ZIC5: variants seen among roughly 807,000 people sequenced by gnomAD.
The protein encoded by ZIC5 is zinc finger protein ZIC 5.
In ZIC5, 20 loss-of-function variants were observed where a neutral mutation model predicts 28.5. That is an observed-to-expected ratio of 0.70 (90% CI 0.49 to 1.02). The LOEUF (loss-of-function observed/expected upper bound fraction) is 1.02. ZIC5 is among the 50% of genes least tolerant of loss of function. The probability of loss-of-function intolerance (pLI) is 0.00; values close to 1 mark genes in which losing one functional copy is unlikely to be tolerated. For missense variants in ZIC5, 951 were observed against 899.7 expected (o/e 1.06, Z -0.73); for synonymous variants, 488 against 410.4 (o/e 1.19, Z -2.29).
chr13:99,971,191 G>A lies in ZIC5; in HGVS notation c.413C>T (p.Ser138Leu). Residue 138 changes from serine (S) to leucine (L), a missense_variant, in exon 1 of 2, where the codon TCA becomes TTA. Physicochemically the swap from Ser to Leu is moderately radical, Grantham distance 145. Around this residue, in one of 3 missense-constraint regions of ZIC5, gnomAD observed 784 missense variants for 660.1 expected, o/e 1.19. Transcript: ENST00000267294. ...PPAPPLPPTPSPPPPPPPPPP... is the reference protein window; with the variant it reads ...PPAPPLPPTPLPPPPPPPPPP... The stretch of plus-strand genomic sequence containing the variant: ...AGGAGGCGGGGGAGGGGGAGGGGGT[G>A]AAGGGGTGGGAGGAAGAGGAGGGGC... 2.3e-6 allele frequency: 2 copies of A among 869,692 alleles called. No individual in the cohort carries two copies. Among genetic ancestry groups the A allele is most frequent in the Non-Finnish European group, 3.1e-6 (2 of 648,920 alleles). The allele number at this position is 869,692 out of a possible 1,614,324, so 53.9% of individuals were successfully genotyped here. A position where few individuals can be genotyped will look rare whatever the true frequency, so the allele number is the denominator to read the frequency against.
At position 99,968,651 on chromosome 13, in the gene ZIC5, G is replaced by T. The variant is rs970469225; in HGVS notation, c.1477+1476C>A. 1.1e-4 allele frequency among the ~76,000 whole-genome samples: 16 copies of T among 152,290 alleles called. 3 individuals carry two copies. The highest frequency in any genetic ancestry group is 2.6e-4 in the Admixed American group (4 of 15,308). On this transcript the variant is annotated intron_variant, in intron 1 of 1. Transcript: ENST00000267294. ...CTTGGGAGTTCCCTTTCGGGGCCGG[G>T]CTGGGGAGCGGCTTCACGGTCCCTG...
chr13:99,970,653 G>A lies in ZIC5; in HGVS notation c.951C>T (p.Ala317=), dbSNP rs2053146967. The A allele has an allele frequency of 8.7e-7, 1 of 1,144,022 alleles. No homozygotes were observed. Among genetic ancestry groups the A allele is most frequent in the Non-Finnish European group, 1.1e-6 (1 of 925,494 alleles). 70.9% of individuals were successfully genotyped at this position (1,144,022 alleles called of 1,614,324 possible). A position where few individuals can be genotyped will look rare whatever the true frequency, so the allele number is the denominator to read the frequency against. The change falls in exon 1 of 2, where the codon GCC becomes GCT. Residue 317 remains alanine (A), a synonymous_variant. Transcript: ENST00000267294. ...GGGGCCCGGGCCCGGCCGCTGCTGC[G>A]GCCGCCGCAGCCGCCAGGTTCAGGT... ...NLNLNLAAAA[A]AAAAGPGPHL... is the part of the protein sequence containing the mutation.
intron 1 of ZIC5, among the ~76,000 whole-genome samples, chr13:99,966,146 G>A (rs889450534): frequency 2.0e-5 from 3 of 151,902 alleles, no homozygotes; most frequent in Admixed American, 6.6e-5. Context: ...CCCCTCCCCC[G>A]ACAGACACAC....
rs1566395437 is a variant in ZIC5, at chr13:99,965,423, T to C, written c.1874A>G (p.Asp625Gly). ...TTCAGGGTTCCCGTAAATTTCCTCA[T>C]CTTCAGTCTCAGAGGTGGTTCCGTT... ...SSNGTTSETE[D>G]EEIYGNPEVV... Residue 625 changes from aspartate to glycine, a missense_variant, in exon 2 of 2, where the codon GAT (aspartate) becomes GGT (glycine). By Grantham distance (94) the Asp-to-Gly change is moderately conservative. Around this residue, in one of 3 missense-constraint regions of ZIC5, gnomAD observed 108 missense variants for 118.4 expected, o/e 0.91. Transcript: ENST00000267294. 1.9e-6 allele frequency: 3 copies of C among 1,613,964 alleles called. No homozygotes were observed. Among genetic ancestry groups the C allele is most frequent in the Non-Finnish European group, 2.5e-6 (3 of 1,180,022 alleles).
Position 99,970,612 on chromosome 13 carries a change from G to A in ZIC5, c.992C>T (p.Ala331Val). The stretch of plus-strand genomic sequence containing the variant: ...CGGCGGCGGCGGCGCCGGGGGCGGC[G>A]CGTGGTGCTGCAGGTGGGGCCCGGG... Reference protein sequence around the residue: ...AGPGPHLQHHAPPPAPPPPPA... With the variant: ...AGPGPHLQHHVPPPAPPPPPA... The change falls in exon 1 of 2, where the codon GCG becomes GTG. Residue 331 changes from alanine to valine, a missense_variant. Physicochemically the swap from Ala to Val is moderately conservative, Grantham distance 64 (BLOSUM62 0). Coordinates refer to ENST00000267294, the MANE Select transcript of ZIC5 (RefSeq NM_033132.5). 2.9e-6 allele frequency: 3 copies of A among 1,019,208 alleles called. No individual in the cohort carries two copies. The highest frequency in any genetic ancestry group is 3.5e-6 in the Non-Finnish European group (3 of 856,370). 63.1% of individuals were successfully genotyped at this position (1,019,208 alleles called of 1,614,324 possible).
Position 99,970,894 on chromosome 13 carries a change from G to A in ZIC5, c.710C>T (p.Pro237Leu), listed in dbSNP as rs745511470. 7.5e-6 allele frequency: 10 copies of A among 1,336,738 alleles called. No individual in the cohort carries two copies. In the South Asian group the frequency reaches 8.4e-5, roughly 11 times the overall value. The allele number at this position is 1,336,738 out of a possible 1,614,324, so 82.8% of individuals were successfully genotyped here. A position where few individuals can be genotyped will look rare whatever the true frequency, so the allele number is the denominator to read the frequency against. The change falls in exon 1 of 2, where the codon CCC (proline) becomes CTC (leucine). Residue 237 changes from proline (P) to leucine (L), a missense_variant. Physicochemically the swap from Pro to Leu is moderately conservative, Grantham distance 98 (BLOSUM62 -3). This residue lies in a region of ZIC5 where 784 missense variants were observed against 660.1 expected (regional missense o/e 1.19). Transcript: ENST00000267294. ...GGCCCCCGGCGTGTCGTGCAGCGCGGGGAAGAGCGCCGGGCCGCCGCTGCC... is the reference window on the plus strand; with the variant it reads ...GGCCCCCGGCGTGTCGTGCAGCGCGAGGAAGAGCGCCGGGCCGCCGCTGCC... ...PDGSGGPALF[P>L]ALHDTPGAPG...
In ZIC5 at chr13:99,964,633, TATATTAAGGTTGCTGC is replaced by T. The variant is rs2053082581; in HGVS notation, c.*728_*743del. On this transcript the variant is annotated 3_prime_UTR_variant, in exon 2 of 2. Transcript: ENST00000267294. ...ATCACAGTAGCACAAGATATGGAGATATATTAAGGTTGCTGCATCTTTTTTTAAAATCACACAGTAG... is the reference window on the plus strand; with the variant it reads ...ATCACAGTAGCACAAGATATGGAGATATCTTTTTTTAAAATCACACAGTAG... The T allele has an allele frequency of 6.6e-6, 1 of 152,600 alleles. No individual in the cohort carries two copies. Among genetic ancestry groups the T allele is most frequent in the African/African-American group, 2.4e-5 (1 of 41,444 alleles). 9.5% of individuals were successfully genotyped at this position (152,600 alleles called of 1,614,324 possible).
Position 99,963,491 on chromosome 13 carries a change from T to G in ZIC5, c.*1886A>C, listed in dbSNP as rs1322849153. 6.6e-6 allele frequency: 1 copy of G among 152,548 alleles called. No homozygotes were observed. The highest frequency in any genetic ancestry group is 1.5e-5 in the Non-Finnish European group (1 of 68,022). The allele number at this position is 152,548 out of a possible 1,614,324, so 9.4% of individuals were successfully genotyped here. A position where few individuals can be genotyped will look rare whatever the true frequency, so the allele number is the denominator to read the frequency against. On this transcript the variant is annotated 3_prime_UTR_variant, in exon 2 of 2. Coordinates refer to ENST00000267294, the MANE Select transcript of ZIC5 (RefSeq NM_033132.5). ...TCATCACAACAATCTGAAGACAACA[T>G]TGAAAGGCTTTCCAAGTGACAGCAC... is the stretch of plus-strand genomic sequence containing the variant.
At chr13:99,969,220 G>A (rs1410092244) in intron 1 of ZIC5, among the ~76,000 whole-genome samples, 1 of 152,182 alleles carries the variant, frequency 6.6e-6, no homozygotes, top group East Asian at 1.9e-4. Flanking sequence ...GGGGTGGGAG[G>A]GTCCCCACGA....
intron 1 of ZIC5, among the ~76,000 whole-genome samples, chr13:99,969,903 G>A (rs570562583): frequency 6.6e-6 from 1 of 151,630 alleles, no homozygotes; most frequent in East Asian, 2.0e-4. Context: ...GGAACCCAAC[G>A]CGGGGCCTGT....
Position 99,970,735 on chromosome 13 carries a change from C to T in ZIC5, c.869G>A (p.Gly290Glu), listed in dbSNP as rs1196860095. ...FAPRSGDAHY[G>E]AVAAAAAAAL... ...GGCCGCCGCTGCGGCCGCAACCGCCCCGTAGTGCGCGTCCCCAGAGCGCGG... is the reference window on the plus strand; with the variant it reads ...GGCCGCCGCTGCGGCCGCAACCGCCTCGTAGTGCGCGTCCCCAGAGCGCGG... The change falls in exon 1 of 2, where the codon GGG becomes GAG. Residue 290 changes from glycine to glutamate, a missense_variant. Physicochemically the swap from Gly to Glu is moderately conservative, Grantham distance 98. This residue lies in a region of ZIC5 where 784 missense variants were observed against 660.1 expected (regional missense o/e 1.19). Coordinates refer to ENST00000267294, the MANE Select transcript of ZIC5 (RefSeq NM_033132.5). The T allele has an allele frequency of 3.3e-6, 4 of 1,201,384 alleles. No homozygotes were observed. The highest frequency in any genetic ancestry group is 1.6e-5 in the African/African-American group (1 of 60,906). The allele number at this position is 1,201,384 out of a possible 1,614,324, so 74.4% of individuals were successfully genotyped here.
Position 99,965,381 on chromosome 13 carries a change from T to C in ZIC5, c.1916A>G (p.His639Arg), listed in dbSNP as rs375325614. Residue 639 changes from histidine (H) to arginine (R), a missense_variant, in exon 2 of 2, where the codon CAT becomes CGT. Coordinates refer to ENST00000267294, the MANE Select transcript of ZIC5 (RefSeq NM_033132.5). ...TATTATTATTAATAATAAATTCTAA[T>C]GTATCGTCCGCACAACTTCAGGGTT... ...YGNPEVVRTI[H>R] 4.0e-5 allele frequency: 64 copies of C among 1,612,260 alleles called. No homozygotes were observed. The East Asian group carries it at 1.1e-3, about 28-fold the overall frequency.
chr13:99,963,683 C>G lies in ZIC5; in HGVS notation c.*1694G>C, dbSNP rs987019692. On this transcript the variant is annotated 3_prime_UTR_variant, in exon 2 of 2. Transcript: ENST00000267294. ...TTCTTTCCTTTTTTTTTTAAATAAA[C>G]CATGGATCATAAATGACAATCTTTC... The G allele has an allele frequency of 8.0e-5, 12 of 149,218 alleles. No individual in the cohort carries two copies. The highest frequency in any genetic ancestry group is 3.0e-4 in the African/African-American group (12 of 40,418). The allele number at this position is 149,218 out of a possible 1,614,324, so 9.2% of individuals were successfully genotyped here.
rs944008294 is a variant in ZIC5 at position 99,970,475 on chromosome 13, T to G, written c.1129A>C (p.Ile377Leu). 1.4e-5 allele frequency: 16 copies of G among 1,114,864 alleles called. No homozygotes were observed. Among genetic ancestry groups the G allele is most frequent in the African/African-American group, 3.4e-5 (2 of 58,946 alleles). 69.1% of individuals were successfully genotyped at this position (1,114,864 alleles called of 1,614,324 possible). The change falls in exon 1 of 2, where the codon ATC (isoleucine) becomes CTC (leucine). Residue 377 changes from isoleucine to leucine, a missense_variant. Ile to Leu is a conservative substitution (Grantham distance 5). Around this residue, in one of 3 missense-constraint regions of ZIC5, gnomAD observed 784 missense variants for 660.1 expected, o/e 1.19. Coordinates refer to ENST00000267294, the MANE Select transcript of ZIC5 (RefSeq NM_033132.5). Reference sequence around the variant, plus strand: ...AGCCCGGCCAGCTCGTCGGGGTCGATCCACTTGCAGATGAGCTCCTGCTTG... The same window carrying G: ...AGCCCGGCCAGCTCGTCGGGGTCGAGCCACTTGCAGATGAGCTCCTGCTTG... The part of the protein sequence containing the change: ...PIKQELICKW[I>L]DPDELAGLPP...
chr13:99,966,525 A>C (rs1339182058), intron 1 of ZIC5, among the ~76,000 whole-genome samples: 1 of 152,222 alleles, frequency 6.6e-6, no homozygotes, highest in Non-Finnish European at 1.5e-5. Context: ...TGACCTCTGC[A>C]TTCTACAGCT....
Position 99,971,470 on chromosome 13 carries a change from C to A in ZIC5, c.134G>T (p.Arg45Leu). ...CAGGCGGAGGTGCGCGACGGCGGCC[C>A]GGAGTTGGGAGTGGGCGGGCGGGCC... is the stretch of plus-strand genomic sequence containing the variant. ...LAGPPAHSQL[R>L]AAVAHLRLRD... Residue 45 changes from arginine to leucine, a missense_variant, in exon 1 of 2, where the codon CGG becomes CTG. Arg to Leu is a moderately radical substitution (Grantham distance 102, BLOSUM62 -2). Around this residue, in one of 3 missense-constraint regions of ZIC5, gnomAD observed 784 missense variants for 660.1 expected, o/e 1.19. Transcript: ENST00000267294. The A allele has an allele frequency of 6.7e-7, 1 of 1,499,994 alleles. No homozygotes were observed. The highest frequency in any genetic ancestry group is 8.9e-7 in the Non-Finnish European group (1 of 1,118,730). The allele number at this position is 1,499,994 out of a possible 1,614,324, so 92.9% of individuals were successfully genotyped here.
chr13:99,965,272 C>T lies in ZIC5; in HGVS notation c.*105G>A. 1 of 1,073,526 alleles carries T rather than the reference C, an allele frequency of 9.3e-7. No homozygotes were observed. Among genetic ancestry groups the T allele is most frequent in the Non-Finnish European group, 1.3e-6 (1 of 756,536 alleles). 66.5% of individuals were successfully genotyped at this position (1,073,526 alleles called of 1,614,324 possible). A position where few individuals can be genotyped will look rare whatever the true frequency, so the allele number is the denominator to read the frequency against. On this transcript the variant is annotated 3_prime_UTR_variant, in exon 2 of 2. Transcript: ENST00000267294. ...AAATAGGGCTAATTAGACCCGGTGG[C>T]AAGTCTGAGTCACGGGTTTGTCTCA...
At position 99,971,133 on chromosome 13, in the gene ZIC5, G is replaced by C. The variant is rs778207394; in HGVS notation, c.471C>G (p.Thr157=). ...PPPALSGYTT[T]NSGGGGSSGK... is the part of the protein sequence containing the mutation. ...CGCTGCTGCCGCCGCCGCCACTGTT[G>C]GTGGTGGTGTAGCCCGAGAGGGCAG... Residue 157 remains threonine, a synonymous_variant, in exon 1 of 2, where the codon ACC becomes ACG. Coordinates refer to ENST00000267294, the MANE Select transcript of ZIC5 (RefSeq NM_033132.5). 2.2e-5 allele frequency: 32 copies of C among 1,434,870 alleles called. No individual in the cohort carries two copies. 88.9% of individuals were successfully genotyped at this position (1,434,870 alleles called of 1,614,324 possible).
At chr13:99,966,002 C>T (rs1343298847) in intron 1 of ZIC5, among the ~76,000 whole-genome samples, 183 bp from the exon 2 acceptor site, 1 of 152,208 alleles carries the variant, frequency 6.6e-6, no homozygotes, top group Non-Finnish European at 1.5e-5. Context: ...ATTCTGCTGA[C>T]CTGGTGGCTT....
Sources: allele counts gnomAD v4.1 joint callset (sites outside exome capture counted in the v4.1 genomes callset), GRCh38; gene constraint gnomAD v4.1.1; regional missense constraint gnomAD v4.1.1; transcripts MANE v1.5; gene names NCBI Gene and HGNC (gene_info 2026-07-23, HGNC 2026-07-21).